GSE1: variants seen among roughly 807,000 people sequenced by gnomAD.
GSE1 encodes Gse1 coiled-coil protein.
A neutral mutation model predicts 112.6 loss-of-function variants in GSE1; 32 were observed. The ratio of observed to expected loss-of-function variants is 0.28; its 90% confidence interval spans 0.21 to 0.38. The LOEUF (loss-of-function observed/expected upper bound fraction) is 0.38. Among genes scored for constraint, GSE1 ranks in the 10% least tolerant of loss-of-function variants. The pLI, the probability that GSE1 is intolerant of heterozygous loss-of-function variation, is 1.00. For synonymous variants in GSE1, 1,115 were observed against 735.6 expected (o/e 1.52, Z -8.35); for missense variants, 2,348 against 1,699.2 (o/e 1.38, Z -6.71).
At chr16:85,632,999 G>A (rs2049668413) in intron 1 of GSE1, among the ~76,000 whole-genome samples, 1 of 142,906 alleles carries the variant, frequency 7.0e-6, no homozygotes, top group Admixed American at 7.2e-5. Flanking sequence ...CTGCCCCTGG[G>A]CTCAGACCTC....
In GSE1 at chr16:85,388,348, ATGGATGGGTGAGTGGATGGGCGGGTGGG is replaced by A. The variant is rs1567728752; in HGVS notation, c.2464+30713_2464+30740del. On this transcript the variant is annotated intron_variant, in intron 2 of 2. Coordinates refer to the GSE1 transcript ENST00000637419. ...GATGGATGAATGGATGTATGGCTGG[ATGGATGGGTGAGTGGATGGGCGGGTGGG>A]TGGATGGATGGATGGATGGATGGAT... Among the ~76,000 whole-genome samples the A allele has an allele frequency of 5.5e-3, 190 of 34,698 alleles. 13 individuals are homozygous for A. The highest frequency in any genetic ancestry group is 7.2e-3 in the African/African-American group (52 of 7,236). 22.8% of individuals were successfully genotyped at this position (34,698 alleles called of 152,430 possible). A position where few individuals can be genotyped will look rare whatever the true frequency, so the allele number is the denominator to read the frequency against.
intron 1 of GSE1, among the ~76,000 whole-genome samples, chr16:85,228,189 C>T (rs1274533680): frequency 6.6e-6 from 1 of 152,360 alleles, no homozygotes; most frequent in Non-Finnish European, 1.5e-5. Context: ...CGGAGGAGCC[C>T]TGTCACTTGG....
rs2045836195 is a variant in GSE1 at position 85,568,125 on chromosome 16, A to C, written c.37+11762A>C. Among the ~76,000 whole-genome samples, 3 of 152,242 alleles carry C rather than the reference A, an allele frequency of 2.0e-5. No individual in the cohort carries two copies. In the South Asian group the frequency reaches 6.2e-4, roughly 31 times the overall value. On this transcript the variant is annotated intron_variant, in intron 1 of 2. Transcript: ENST00000635906. ...CTCTCTGGAAAATGTCATCAGCTAC[A>C]CATGCTCCACCCACCCACATCCTCT...
At chr16:85,410,193 A>C (rs747370972) in intron 2 of GSE1, among the ~76,000 whole-genome samples, 1 of 17,202 alleles carries the variant, frequency 5.8e-5, no homozygotes, top group Non-Finnish European at 9.6e-5. Context: ...TCACTGTTAC[A>C]CTCAGGCCCC....
At chr16:85,238,796 C>T (rs1272482580) in intron 1 of GSE1, among the ~76,000 whole-genome samples, 6 of 152,200 alleles carry the variant, frequency 3.9e-5, no homozygotes, top group Non-Finnish European at 1.5e-5. Flanking sequence ...CACCAAGCTA[C>T]CCTTCCCCTA....
At chr16:85,441,331 G>A (rs2049371371) in intron 2 of GSE1, among the ~76,000 whole-genome samples, 1 of 152,194 alleles carries the variant, frequency 6.6e-6, no homozygotes, top group Non-Finnish European at 1.5e-5. Context: ...CCTCCTAGTT[G>A]AGAATCACGG....
intron 10 of GSE1, 32 bp downstream of exon 10, chr16:85,663,125 T>C (rs780490069): frequency 6.9e-7 from 1 of 1,455,062 alleles, no homozygotes. Flanking sequence ...GGACATGCTC[T>C]GGGCTGGGCT....
chr16:85,266,937 C>T (rs1908306510), intron 1 of GSE1, among the ~76,000 whole-genome samples: 1 of 152,180 alleles, frequency 6.6e-6, no homozygotes, highest in African/African-American at 2.4e-5. Flanking sequence ...ACATCTGGTG[C>T]CTGCTCAGCG....
At chr16:85,319,119 C>T (rs1355662355) in intron 1 of GSE1, among the ~76,000 whole-genome samples, 1 of 152,176 alleles carries the variant, frequency 6.6e-6, no homozygotes, top group Admixed American at 6.5e-5. Flanking sequence ...TATCGCTCAC[C>T]CCCTCCCTTC....
intron 1 of GSE1, among the ~76,000 whole-genome samples, chr16:85,574,526 G>C (rs1246076439): frequency 6.6e-6 from 1 of 152,206 alleles, no homozygotes; most frequent in African/African-American, 2.4e-5. Flanking sequence ...CGAGGCCCCG[G>C]GGTCAGAAAG....
chr16:85,645,078 C>T (rs2050742418), intron 2 of GSE1, among the ~76,000 whole-genome samples: 1 of 151,310 alleles, frequency 6.6e-6, no homozygotes, highest in Non-Finnish European at 1.5e-5. Flanking sequence ...GCCAGCGTTT[C>T]CCCTCCTCAG....
intron 2 of GSE1, among the ~76,000 whole-genome samples, chr16:85,486,836 C>G (rs577594292): frequency 2.0e-4 from 31 of 152,348 alleles, no homozygotes; most frequent in African/African-American, 7.2e-4. Context: ...TGGCTGGGGC[C>G]TCGCCGGTGC....
At chr16:85,577,287 A>G (rs1019663575) in intron 1 of GSE1, among the ~76,000 whole-genome samples, 1 of 152,144 alleles carries the variant, frequency 6.6e-6, no homozygotes, top group African/African-American at 2.4e-5. Flanking sequence ...CCCAGTGGTG[A>G]TCACCTCGAG....
chr16:85,283,212 G>C (rs2044907598), intron 1 of GSE1: 1 of 152,884 alleles, frequency 6.5e-6, no homozygotes, highest in Non-Finnish European at 1.5e-5. Context: ...ATTGGGCCCG[G>C]CCACACAGGT....
chr16:85,173,871 T>C (rs1284067169), intron 1 of GSE1, among the ~76,000 whole-genome samples: 1 of 152,158 alleles, frequency 6.6e-6, no homozygotes, highest in East Asian at 1.9e-4. Flanking sequence ...TGAGGTTTCA[T>C]GTGGTATGGA....
chr16:85,594,761 C>T (rs1429328651), intron 1 of GSE1: 2 of 152,302 alleles, frequency 1.3e-5, no homozygotes, highest in East Asian at 1.9e-4. Context: ...TAAAGTCTGT[C>T]GAGTGACACC....
intron 2 of GSE1, among the ~76,000 whole-genome samples, chr16:85,519,713 T>TCATCATCATCACCATCACCATCACCAC: frequency 8.3e-6 from 1 of 120,136 alleles, no homozygotes; most frequent in Non-Finnish European, 1.7e-5. Flanking sequence ...TCCATCACTG[T>TCATCATCATCACCATCACCATCACCAC]CATCATCATC....
intron 1 of GSE1, among the ~76,000 whole-genome samples, chr16:85,267,619 T>C (rs529270756): frequency 6.6e-5 from 10 of 152,220 alleles, no homozygotes; most frequent in Non-Finnish European, 1.2e-4. Flanking sequence ...GCACCTGCTA[T>C]GTGCCAGGGA....
intron 1 of GSE1, among the ~76,000 whole-genome samples, chr16:85,569,935 T>C (rs113521670): frequency 2.6e-5 from 4 of 152,040 alleles, no homozygotes; most frequent in Admixed American, 1.3e-4. Context: ...GCCTGAGCCC[T>C]AGGGGGTGGA....
Sources: allele counts gnomAD v4.1 joint callset (sites outside exome capture counted in the v4.1 genomes callset), GRCh38; gene constraint gnomAD v4.1.1; transcripts MANE v1.5; gene names NCBI Gene and HGNC (gene_info 2026-07-23, HGNC 2026-07-21).